FCRL4: variants seen among roughly 807,000 people sequenced by gnomAD.
FCRL4 encodes Fc receptor-like protein 4.
FCRL4 carries 43 observed loss-of-function variants against 64.1 expected under a neutral mutation model. The ratio of observed to expected loss-of-function variants is 0.67; its 90% CI spans 0.53 to 0.87. The LOEUF (loss-of-function observed/expected upper bound fraction) is 0.87. FCRL4 is among the 40% of genes least tolerant of loss of function. FCRL4 has a pLI of 0.00. For synonymous variants in FCRL4, 253 were observed against 239.8 expected (o/e 1.05, Z -0.51); for missense variants, 656 against 613.5 (o/e 1.07, Z -0.73).
chr1:157,586,027 T>C, intron 6 of FCRL4, 141 bp downstream of exon 6: 2 of 812,414 alleles, frequency 2.5e-6, no homozygotes, highest in East Asian at 2.6e-5. Flanking sequence ...ACTATTCTAA[T>C]GGAAGAAATT....
chr1:157,578,614 T>G (rs1652472347), intron 9 of FCRL4, 72 bp from the exon 10 acceptor site: 2 of 1,402,892 alleles, frequency 1.4e-6, no homozygotes, highest in Non-Finnish European at 2.0e-6. Flanking sequence ...TTCCTAAGCA[T>G]CATCTCCACT....
chr1:157,581,603 T>G lies in FCRL4; in HGVS notation c.1177A>C (p.Thr393Pro), dbSNP rs1314292677. ...AGAAGAGCACTGAGCAGCCCTCCAG[T>G]GGCTCCCGCGGCGACAAGGCCATCT... ...NRDGLVAAGATGGLLSALLLA... is the reference protein window; with the variant it reads ...NRDGLVAAGAPGGLLSALLLA... Residue 393 changes from threonine (T) to proline (P), a missense_variant, in exon 7 of 12, where the codon ACT becomes CCT. Coordinates refer to ENST00000271532, the MANE Select transcript of FCRL4 (RefSeq NM_031282.3). 1 of 1,614,076 alleles carries G rather than the reference T, an allele frequency of 6.2e-7. No homozygotes were observed. The highest frequency in any genetic ancestry group is 2.2e-5 in the East Asian group (1 of 44,866).
chr1:157,580,492 T>C lies in FCRL4; in HGVS notation c.1250-144A>G, dbSNP rs867526440. 1.8e-5 allele frequency: 15 copies of C among 818,102 alleles called. No homozygotes were observed. In the Middle Eastern group the frequency reaches 2.3e-3, roughly 123 times the overall value. The allele number at this position is 818,102 out of a possible 1,614,324, so 50.7% of individuals were successfully genotyped here. A position where few individuals can be genotyped will look rare whatever the true frequency, so the allele number is the denominator to read the frequency against. Reference sequence around the variant, plus strand: ...GTCCTGGGTTTTCATGAAAATGAGGTGAAAAAAAGATTGTACAAAGCATAT... The same window carrying C: ...GTCCTGGGTTTTCATGAAAATGAGGCGAAAAAAAGATTGTACAAAGCATAT... On this transcript the variant is annotated intron_variant, in intron 7 of 11. Coordinates refer to ENST00000271532, the MANE Select transcript of FCRL4 (RefSeq NM_031282.3).
Position 157,597,968 on chromosome 1 carries a change from A to T in FCRL4, c.-24T>A. ...ATGGAAGCCTGCTCCAGGATTGGAG[A>T]AGGAGTTCTGAGGAGACAAGCCAGG... is the stretch of plus-strand genomic sequence containing the variant. On this transcript the variant is annotated 5_prime_UTR_variant, in exon 1 of 12. Coordinates refer to ENST00000271532, the MANE Select transcript of FCRL4 (RefSeq NM_031282.3). 6.2e-7 allele frequency: 1 copy of T among 1,609,154 alleles called. No individual in the cohort carries two copies. The highest frequency in any genetic ancestry group is 8.5e-7 in the Non-Finnish European group (1 of 1,176,516).
intron 8 of FCRL4, 45 bp from the exon 9 acceptor site, chr1:157,578,897 A>T (rs749661404): frequency 6.7e-7 from 1 of 1,494,050 alleles, no homozygotes; most frequent in African/African-American, 1.4e-5. Flanking sequence ...ACACTGTAAC[A>T]TGCGGGAGAG....
In FCRL4 at chr1:157,588,036, A is replaced by G. The variant is rs753736294; in HGVS notation, c.391T>C (p.Leu131=). Residue 131 remains leucine (L), a synonymous_variant, in exon 4 of 12, where the codon TTG becomes CTG. Transcript: ENST00000271532. ...TTCCAAGTATATTTCACAGCAGTCAATTTCTCTTTCCTTCTTCTGTGGCAT... is the reference window on the plus strand; with the variant it reads ...TTCCAAGTATATTTCACAGCAGTCAGTTTCTCTTTCCTTCTTCTGTGGCAT... ...LRCHRRRKEK[L]TAVKYTWNGN... 16 of 1,613,502 alleles carry G rather than the reference A, an allele frequency of 9.9e-6. No homozygotes were observed. The highest frequency in any genetic ancestry group is 1.7e-5 in the Admixed American group (1 of 59,986).
intron 1 of FCRL4, 131 bp from the exon 2 acceptor site, chr1:157,596,479 G>A: frequency 9.8e-7 from 1 of 1,018,172 alleles, no homozygotes; most frequent in Non-Finnish European, 1.5e-6. Flanking sequence ...ATCCATCCCA[G>A]GGAAGCGGGG....
Position 157,574,897 on chromosome 1 carries a change from C to T in FCRL4, c.*627G>A, listed in dbSNP as rs1455122575. 13 of 212,042 alleles carry T rather than the reference C, an allele frequency of 6.1e-5. No individual in the cohort carries two copies. The highest frequency in any genetic ancestry group is 1.9e-4 in the South Asian group (1 of 5,354). 13.1% of individuals were successfully genotyped at this position (212,042 alleles called of 1,614,324 possible). ...CATAATTATCATTTGCTTTTGGAAG[C>T]GCAGCCTAGAGCTTGCATCTCCAGC... is the stretch of plus-strand genomic sequence containing the variant. On this transcript the variant is annotated 3_prime_UTR_variant, in exon 12 of 12. Transcript: ENST00000271532.
intron 10 of FCRL4, among the ~76,000 whole-genome samples, chr1:157,577,627 A>G (rs1652444707): frequency 6.6e-6 from 1 of 152,214 alleles, no homozygotes; most frequent in Non-Finnish European, 1.5e-5. Context: ...ACAGAGACCA[A>G]CAGTTCTGTT....
At position 157,574,238 on chromosome 1, in the gene FCRL4, C is replaced by T. The variant is rs182651399; in HGVS notation, c.*1286G>A. 4.6e-6 allele frequency: 1 copy of T among 219,508 alleles called. No individual in the cohort carries two copies. The highest frequency in any genetic ancestry group is 9.1e-6 in the Non-Finnish European group (1 of 109,594). The allele number at this position is 219,508 out of a possible 1,614,324, so 13.6% of individuals were successfully genotyped here. A position where few individuals can be genotyped will look rare whatever the true frequency, so the allele number is the denominator to read the frequency against. On this transcript the variant is annotated 3_prime_UTR_variant, in exon 12 of 12. Transcript: ENST00000271532. Reference sequence around the variant, plus strand: ...TTTTCCCATTTATTTGTTATAGAAGCCAGGTGATTTGCCCTATAGAACTTT... The same window carrying T: ...TTTTCCCATTTATTTGTTATAGAAGTCAGGTGATTTGCCCTATAGAACTTT...
At chr1:157,587,759 C>G (rs1039615886) in intron 4 of FCRL4, 106 bp downstream of exon 4, 1 of 1,235,452 alleles carries the variant, frequency 8.1e-7, no homozygotes, top group African/African-American at 1.5e-5. Flanking sequence ...ATTTGTGCCT[C>G]TCATCTATCC....
At chr1:157,580,730 A>G (rs1400995539) in intron 7 of FCRL4, among the ~76,000 whole-genome samples, 1 of 152,232 alleles carries the variant, frequency 6.6e-6, no homozygotes, top group Non-Finnish European at 1.5e-5. Flanking sequence ...ACTAAGGAGA[A>G]TTGGTCAGAG....
intron 10 of FCRL4, among the ~76,000 whole-genome samples, chr1:157,577,451 A>G (rs1379262435): frequency 1.3e-5 from 2 of 152,238 alleles, no homozygotes; most frequent in Non-Finnish European, 2.9e-5. Context: ...ATTGTGGCCA[A>G]AACGGACTAA....
chr1:157,587,341 C>T lies in FCRL4; in HGVS notation c.782G>A (p.Cys261Tyr), dbSNP rs1652723682. Residue 261 changes from cysteine to tyrosine, a missense_variant, in exon 5 of 12, where the codon TGT (cysteine) becomes TAT (tyrosine). By Grantham distance (194) the Cys-to-Tyr change is radical. Coordinates refer to ENST00000271532, the MANE Select transcript of FCRL4 (RefSeq NM_031282.3). ...GTTACCCCTCACTGTTTCAGCACCA[C>T]ACCAATAGGATCCTGAGTTTTCTCT... ...VWRENSGSYW[C>Y]GAETVRGNIH... is the part of the protein sequence containing the mutation. The T allele has an allele frequency of 1.2e-6, 2 of 1,614,112 alleles. No individual in the cohort carries two copies. Among genetic ancestry groups the T allele is most frequent in the Non-Finnish European group, 1.7e-6 (2 of 1,180,042 alleles).
At chr1:157,590,753 G>A (rs774807741) in intron 2 of FCRL4, among the ~76,000 whole-genome samples, 4 of 152,028 alleles carry the variant, frequency 2.6e-5, no homozygotes, top group South Asian at 2.1e-4. Context: ...TCCTGACCTC[G>A]TGATCCACCT....
Position 157,582,658 on chromosome 1 carries a change from G to A in FCRL4, c.1136-1014C>T, listed in dbSNP as rs72996980. On this transcript the variant is annotated intron_variant, in intron 6 of 11. Transcript: ENST00000271532. Reference sequence around the variant, plus strand: ...CATCTATGATTTTGGGCACAGAGGAGCCATTGGCTAGGAGTGGCTGGTGAC... The same window carrying A: ...CATCTATGATTTTGGGCACAGAGGAACCATTGGCTAGGAGTGGCTGGTGAC... 6.3e-3 allele frequency among the ~76,000 whole-genome samples: 956 copies of A among 152,326 alleles called. 10 individuals carry two copies. The highest frequency in any genetic ancestry group is 0.022 in the African/African-American group (915 of 41,564).
intron 6 of FCRL4, among the ~76,000 whole-genome samples, chr1:157,585,342 CT>C (rs1558154952): frequency 2.0e-4 from 14 of 69,984 alleles, no homozygotes; most frequent in South Asian, 6.2e-4. Context: ...TTCTTTCTCT[CT>C]CTCTTTCTTT....
At chr1:157,586,118 T>G in intron 6 of FCRL4, 50 bp downstream of exon 6, 1 of 1,532,526 alleles carries the variant, frequency 6.5e-7, no homozygotes, top group South Asian at 1.2e-5. Context: ...CACCCTTAAT[T>G]TGAGGAAGTT....
At chr1:157,580,487 T>C in intron 7 of FCRL4, 139 bp from the exon 8 acceptor site, 1 of 867,792 alleles carries the variant, frequency 1.2e-6, no homozygotes, top group Non-Finnish European at 1.9e-6. Context: ...TTCATGAAAA[T>C]GAGGTGAAAA....
Sources: gnomAD v4.1 joint callset for allele counts (sites outside exome capture counted in the v4.1 genomes callset) on GRCh38, gnomAD v4.1.1 for gene constraint, MANE v1.5 for transcripts, NCBI Gene and HGNC (gene_info 2026-07-23, HGNC 2026-07-21) for gene names.